The following TTC7A variants were observed in gnomAD, a reference collection of about 807,000 sequenced individuals.
TTC7A encodes tetratricopeptide repeat domain 7A.
A neutral mutation model predicts 103.7 loss-of-function variants in TTC7A; 110 were observed. The ratio of observed to expected loss-of-function variants is 1.06; its 90% CI spans 0.91 to 1.24. The LOEUF (loss-of-function observed/expected upper bound fraction) is 1.24. Among genes scored for constraint, TTC7A ranks in the 50% most tolerant of loss-of-function variants. TTC7A has a pLI of 0.00. For synonymous variants in TTC7A, 521 were observed against 467.9 expected, an observed-to-expected ratio of 1.11 and a Z score of -1.47; for missense variants, 1,340 against 1,116.3, an observed-to-expected ratio of 1.20 and a Z score of -2.86.
intron 11 of TTC7A, among the ~76,000 whole-genome samples, chr2:47,021,624 C>T (rs1278124414): frequency 1.3e-5 from 2 of 152,228 alleles, no homozygotes; most frequent in African/African-American, 4.8e-5. Context: ...CAGGCCCCTA[C>T]AGAGGCCATG....
intron 11 of TTC7A, among the ~76,000 whole-genome samples, chr2:47,015,939 TGG>T (rs963764469): frequency 2.0e-5 from 3 of 152,114 alleles, no homozygotes; most frequent in African/African-American, 7.2e-5. Flanking sequence ...TCCGGGCTCG[TGG>T]GAAGGAACTA....
chr2:46,979,922 G>A (rs12052808), intron 5 of TTC7A, among the ~76,000 whole-genome samples: 6 of 151,880 alleles, frequency 4.0e-5, no homozygotes, highest in African/African-American at 7.3e-5. Flanking sequence ...GCCGTCCCCC[G>A]TGCGTAGTCA....
intron 11 of TTC7A, among the ~76,000 whole-genome samples, chr2:47,016,856 C>T (rs577756222): frequency 3.9e-5 from 6 of 152,188 alleles, no homozygotes; most frequent in East Asian, 3.9e-4. Context: ...GCAATTTTTC[C>T]AGATCGCAGG....
chr2:46,988,907 C>T (rs1387334465), intron 5 of TTC7A, among the ~76,000 whole-genome samples: 1 of 152,202 alleles, frequency 6.6e-6, no homozygotes, highest in African/African-American at 2.4e-5. Context: ...ATCTTCCAGG[C>T]TCTTTTTCCT....
chr2:47,020,504 C>A (rs138121804), intron 11 of TTC7A, among the ~76,000 whole-genome samples: 5 of 152,342 alleles, frequency 3.3e-5, no homozygotes, highest in Non-Finnish European at 7.3e-5. Context: ...TCCCCAGACA[C>A]CCTCATCCTT....
intron 9 of TTC7A, 115 bp from the exon 10 acceptor site, chr2:47,006,526 G>A (rs1433757327): frequency 4.5e-6 from 4 of 881,454 alleles, no homozygotes; most frequent in Non-Finnish European, 7.4e-6. Flanking sequence ...CCAAGTGCGG[G>A]CCTCCTGCAG....
intron 2 of TTC7A, among the ~76,000 whole-genome samples, chr2:46,921,081 A>C (rs970631484): frequency 1.3e-5 from 2 of 152,192 alleles, no homozygotes; most frequent in Non-Finnish European, 2.9e-5. Context: ...GAAAGACTGA[A>C]TGCTTTTCCC....
chr2:47,073,668 C>G (rs1262440830), intron 19 of TTC7A, 34 bp from the exon 20 acceptor site: 34 of 1,597,858 alleles, frequency 2.1e-5, no homozygotes, highest in Non-Finnish European at 2.8e-5. Context: ...CCATGGGACA[C>G]CCCTACTCAC....
At chr2:46,971,616 T>C (rs1049058790) in intron 3 of TTC7A, among the ~76,000 whole-genome samples, 1 of 142,478 alleles carries the variant, frequency 7.0e-6, no homozygotes, top group Non-Finnish European at 1.6e-5. Context: ...GTTAGGCCGA[T>C]GTAGTCATCC....
At chr2:47,037,489 C>T (rs116659374) in intron 15 of TTC7A, among the ~76,000 whole-genome samples, 1,611 of 152,308 alleles carry the variant, frequency 0.011, 13 homozygotes, top group Non-Finnish European at 0.017. Context: ...TACAGCACCC[C>T]TGTTTTGAAG....
intron 8 of TTC7A, chr2:46,999,981 T>C: frequency 7.8e-6 from 7 of 892,218 alleles, no homozygotes; most frequent in Non-Finnish European, 9.4e-6. Context: ...ATCTTGAATT[T>C]ACCATTCACA....
At chr2:46,941,146 C>T (rs1274434676), upstream of TTC7A, 2 of 147,782 alleles carry the variant, frequency 1.4e-5, no homozygotes, top group Non-Finnish European at 3.0e-5. This position sits in a 1 kb window ranked among gnomAD's most constrained non-coding sequence, Gnocchi z 4.2. Context: ...GCCGAGGCCT[C>T]CCCACGCCCC....
chr2:47,017,027 C>A (rs1425555536), intron 11 of TTC7A, among the ~76,000 whole-genome samples: 4 of 151,716 alleles, frequency 2.6e-5, no homozygotes, highest in Non-Finnish European at 4.4e-5. Context: ...GGTGAAACCC[C>A]ATCTCTACTA....
At chr2:46,961,072 C>T (rs1463115260) in intron 3 of TTC7A, among the ~76,000 whole-genome samples, 2 of 152,344 alleles carry the variant, frequency 1.3e-5, no homozygotes, top group Admixed American at 6.5e-5. Flanking sequence ...TCCTCTCCTA[C>T]CCTATTCCCC....
At position 46,950,397 on chromosome 2, in the gene TTC7A, C is replaced by T; in HGVS notation, c.219C>T (p.Leu73=). 1 of 1,614,146 alleles carries T rather than the reference C, an allele frequency of 6.2e-7. No homozygotes were observed. The highest frequency in any genetic ancestry group is 8.5e-7 in the Non-Finnish European group (1 of 1,180,026). ...DFGKLLLAEA[L]LEQCLKENHA... is the part of the protein sequence containing the mutation. ...GGAAATTGCTGCTGGCTGAGGCCCTCCTGGAGCAGTGTTTGAAGGAGAACC... is the reference window on the plus strand; with the variant it reads ...GGAAATTGCTGCTGGCTGAGGCCCTTCTGGAGCAGTGTTTGAAGGAGAACC... Residue 73 remains leucine (L), a synonymous_variant, in exon 2 of 20, where the codon CTC becomes CTT. Coordinates refer to ENST00000319190, the MANE Select transcript of TTC7A (RefSeq NM_020458.4).
At chr2:47,069,909 T>G (rs1009982186) in intron 19 of TTC7A, among the ~76,000 whole-genome samples, 2 of 151,540 alleles carry the variant, frequency 1.3e-5, no homozygotes, top group African/African-American at 4.9e-5. Flanking sequence ...GCTTCCCAGC[T>G]GGAAAGGCTG....
intron 15 of TTC7A, among the ~76,000 whole-genome samples, chr2:47,033,691 G>A (rs1183361997): frequency 2.0e-5 from 3 of 152,210 alleles, no homozygotes; most frequent in Non-Finnish European, 4.4e-5. Flanking sequence ...CCTGGCTTGG[G>A]AGGTTTATTG....
intron 2 of TTC7A, chr2:46,956,503 G>A (rs1671862282): frequency 3.7e-6 from 1 of 271,380 alleles, no homozygotes; most frequent in South Asian, 7.8e-5. Flanking sequence ...GAGCTTCTGA[G>A]TGCCCCCTGG....
At chr2:47,056,847 A>G (rs932492123) in intron 18 of TTC7A, among the ~76,000 whole-genome samples, 3 of 152,126 alleles carry the variant, frequency 2.0e-5, no homozygotes, top group African/African-American at 4.8e-5. Flanking sequence ...GCATGAAGGA[A>G]TGGAGGGGCC....
Sources: gnomAD v4.1 joint callset for allele counts (sites outside exome capture counted in the v4.1 genomes callset) on GRCh38, gnomAD v4.1.1 for gene constraint, Gnocchi (gnomAD v3.1) non-coding constraint, MANE v1.5 for transcripts, NCBI Gene and HGNC (gene_info 2026-07-23, HGNC 2026-07-21) for gene names.